The following LRRTM2 variants were observed in gnomAD, a reference collection of about 807,000 sequenced individuals.
The protein encoded by LRRTM2 is leucine rich repeat transmembrane neuronal 2, also known as leucine-rich repeat transmembrane neuronal protein 2.
LRRTM2 carries 14 observed loss-of-function variants against 40.7 expected under a neutral mutation model. That is an observed-to-expected ratio of 0.34 (90% CI 0.23 to 0.54). LRRTM2 has a LOEUF of 0.54. Ranked by LOEUF, LRRTM2 falls within the 20% of genes least tolerant of loss-of-function variation. The probability of loss-of-function intolerance (pLI) is 0.92; values close to 1 mark genes in which losing one functional copy is unlikely to be tolerated. For synonymous variants in LRRTM2, 223 were observed against 237.6 expected (o/e 0.94, Z 0.57); for missense variants, 468 against 624.4 (o/e 0.75, Z 2.67).
chr5:138,873,385 C>G lies in LRRTM2; in HGVS notation c.1176G>C (p.Val392=). 1 of 1,614,036 alleles carries G rather than the reference C, an allele frequency of 6.2e-7. No individual in the cohort carries two copies. The highest frequency in any genetic ancestry group is 8.5e-7 in the Non-Finnish European group (1 of 1,179,896). ...TKRISSSSYH[V]GDKEIPTTAG... is the part of the protein sequence containing the mutation. ...CAGTAGTTGGGATTTCTTTGTCTCC[C>G]ACATGGTAACTTGATGAGCTTATTC... is the stretch of plus-strand genomic sequence containing the variant. Residue 392 remains valine (V), a synonymous_variant, in exon 2 of 2, where the codon GTG becomes GTC. Coordinates refer to ENST00000274711, the MANE Select transcript of LRRTM2 (RefSeq NM_015564.3). This position sits in a 1 kb window ranked among gnomAD's most constrained non-coding sequence, Gnocchi z 6.1.
chr5:138,872,987 T>G lies in LRRTM2; in HGVS notation c.*23A>C. The G allele has an allele frequency of 6.6e-7, 1 of 1,523,080 alleles. No individual in the cohort carries two copies. The highest frequency in any genetic ancestry group is 8.9e-7 in the Non-Finnish European group (1 of 1,118,050). The allele number at this position is 1,523,080 out of a possible 1,614,324, so 94.3% of individuals were successfully genotyped here. ...TGTAAAATAGGTTACTTATCTGATG[T>G]GATTTTTGATGATGGGTAGATATTA... On this transcript the variant is annotated 3_prime_UTR_variant, in exon 2 of 2. Coordinates refer to ENST00000274711, the MANE Select transcript of LRRTM2 (RefSeq NM_015564.3).
chr5:138,874,883 A>G lies in LRRTM2; in HGVS notation c.4+25T>C, dbSNP rs146731798. ...AAGCGTGATTCCTTGTTGAATGTAC[A>G]AGACATATAAATGCACAGACTTACC... On this transcript the variant is annotated intron_variant, in intron 1 of 1. Transcript: ENST00000274711. This position sits in a 1 kb window ranked among gnomAD's most constrained non-coding sequence, Gnocchi z 4.1. The G allele has an allele frequency of 1.0e-3, 1,656 of 1,606,384 alleles. 14 individuals are homozygous for G. The African/African-American group carries it at 0.015, about 14-fold the overall frequency.
rs537754065 is a variant in LRRTM2, at chr5:138,870,371, C to G, written c.*2639G>C. 2 of 152,162 alleles carry G rather than the reference C, an allele frequency of 1.3e-5. No homozygotes were observed. Among genetic ancestry groups the G allele is most frequent in the Admixed American group, 1.3e-4 (2 of 15,278 alleles). 9.4% of individuals were successfully genotyped at this position (152,162 alleles called of 1,614,324 possible). A position where few individuals can be genotyped will look rare whatever the true frequency, so the allele number is the denominator to read the frequency against. On this transcript the variant is annotated 3_prime_UTR_variant, in exon 2 of 2. Transcript: ENST00000274711. The stretch of plus-strand genomic sequence containing the variant: ...GCTTTTAAATGAGAAAGGAAAATAC[C>G]TTTTTGGTACTACTGTCATTCACTT...
Position 138,874,983 on chromosome 5 carries a change from C to G in LRRTM2, c.-72G>C. On this transcript the variant is annotated 5_prime_UTR_variant, in exon 1 of 2. Transcript: ENST00000274711. This position sits in a 1 kb window ranked among gnomAD's most constrained non-coding sequence, Gnocchi z 4.1. Reference sequence around the variant, plus strand: ...CAACGCAGTGAGTCTGTAAAAGGCTCTAACATGTAGGAGCCTTTGACCAGT... The same window carrying G: ...CAACGCAGTGAGTCTGTAAAAGGCTGTAACATGTAGGAGCCTTTGACCAGT... 1 of 1,545,576 alleles carries G rather than the reference C, an allele frequency of 6.5e-7. No homozygotes were observed. Among genetic ancestry groups the G allele is most frequent in the Non-Finnish European group, 8.9e-7 (1 of 1,123,080 alleles).
At position 138,873,603 on chromosome 5, in the gene LRRTM2, A is replaced by G. The variant is rs1750914532; in HGVS notation, c.958T>C (p.Cys320Arg). ...CTGCCCAGCCAGGAGGCCAGAGCAC[A>G]TATTCGGGCGCTGCATTCCCACAGA... ...GNLWECSARI[C>R]ALASWLGSFQ... The change falls in exon 2 of 2, where the codon TGT (cysteine) becomes CGT (arginine). Residue 320 changes from cysteine (C) to arginine (R), a missense_variant. Transcript: ENST00000274711. This position sits in a 1 kb window ranked among gnomAD's most constrained non-coding sequence, Gnocchi z 6.1. The G allele has an allele frequency of 6.2e-7, 1 of 1,614,024 alleles. No individual in the cohort carries two copies. The highest frequency in any genetic ancestry group is 8.5e-7 in the Non-Finnish European group (1 of 1,179,894).
rs1239423079 is a variant in LRRTM2, at chr5:138,874,204, G to A, written c.357C>T (p.Asn119=). 1 of 1,613,896 alleles carries A rather than the reference G, an allele frequency of 6.2e-7. No individual in the cohort carries two copies. Residue 119 remains asparagine, a synonymous_variant, in exon 2 of 2, where the codon AAC becomes AAT. Transcript: ENST00000274711. This position sits in a 1 kb window ranked among gnomAD's most constrained non-coding sequence, Gnocchi z 4.1. The part of the protein sequence containing the change: ...YKLKELILSS[N]KIFYLPNTTF... ...TTGTGTTTGGCAAGTAAAATATTTT[G>A]TTGGAACTTAAGATTAATTCCTTAA...
rs1751001820 is a variant in LRRTM2, at chr5:138,874,099, A to G, written c.462T>C (p.Tyr154=). 6.2e-7 allele frequency: 1 copy of G among 1,613,854 alleles called. No individual in the cohort carries two copies. The highest frequency in any genetic ancestry group is 8.5e-7 in the Non-Finnish European group (1 of 1,179,766). The change falls in exon 2 of 2, where the codon TAT becomes TAC. Residue 154 remains tyrosine (Y), a synonymous_variant. Coordinates refer to ENST00000274711, the MANE Select transcript of LRRTM2 (RefSeq NM_015564.3). This position sits in a 1 kb window ranked among gnomAD's most constrained non-coding sequence, Gnocchi z 4.1. ...QLSSLHPELF[Y]GLRKLQTLHL... ...GCAAGGTCTGCAGCTTCCGAAGGCC[A>G]TAGAAGAGCTCTGGGTGCAGAGATG... is the stretch of plus-strand genomic sequence containing the variant.
chr5:138,872,920 G>T lies in LRRTM2; in HGVS notation c.*90C>A. The T allele has an allele frequency of 2.2e-6, 2 of 920,650 alleles. No individual in the cohort carries two copies. The highest frequency in any genetic ancestry group is 3.2e-6 in the Non-Finnish European group (2 of 630,562). The allele number at this position is 920,650 out of a possible 1,614,324, so 57.0% of individuals were successfully genotyped here. A position where few individuals can be genotyped will look rare whatever the true frequency, so the allele number is the denominator to read the frequency against. On this transcript the variant is annotated 3_prime_UTR_variant, in exon 2 of 2. Coordinates refer to ENST00000274711, the MANE Select transcript of LRRTM2 (RefSeq NM_015564.3). ...CTTAGTTTGGAAAATTAGGCTTAAT[G>T]TCACCATTGGTAAAAATTAGATATG...
In LRRTM2 at chr5:138,869,322, G is replaced by A. The variant is rs1765115222; in HGVS notation, c.*3688C>T. 6.6e-6 allele frequency: 1 copy of A among 151,384 alleles called. No individual in the cohort carries two copies. Among genetic ancestry groups the A allele is most frequent in the Admixed American group, 6.6e-5 (1 of 15,192 alleles). The allele number at this position is 151,384 out of a possible 1,614,324, so 9.4% of individuals were successfully genotyped here. A position where few individuals can be genotyped will look rare whatever the true frequency, so the allele number is the denominator to read the frequency against. On this transcript the variant is annotated 3_prime_UTR_variant, in exon 2 of 2. Coordinates refer to ENST00000274711, the MANE Select transcript of LRRTM2 (RefSeq NM_015564.3). ...TTCAAGTACTATGAGTTTGCCCCAGGTTAGATAGAGAAATATTTAATTATC... is the reference window on the plus strand; with the variant it reads ...TTCAAGTACTATGAGTTTGCCCCAGATTAGATAGAGAAATATTTAATTATC...
rs1009451748 is a variant in LRRTM2, at chr5:138,870,614, C to T, written c.*2396G>A. On this transcript the variant is annotated 3_prime_UTR_variant, in exon 2 of 2. Transcript: ENST00000274711. ...CAGCCAAAGAAGGGGATTTCTTACC[C>T]ATCCCACAGTTTAAATCTTAATTTT... is the stretch of plus-strand genomic sequence containing the variant. 1 of 152,130 alleles carries T rather than the reference C, an allele frequency of 6.6e-6. No individual in the cohort carries two copies. The highest frequency in any genetic ancestry group is 2.4e-5 in the African/African-American group (1 of 41,418). The allele number at this position is 152,130 out of a possible 1,614,324, so 9.4% of individuals were successfully genotyped here. A position where few individuals can be genotyped will look rare whatever the true frequency, so the allele number is the denominator to read the frequency against.
rs376506126 is a variant in LRRTM2, at chr5:138,872,961, A to G, written c.*49T>C. Reference sequence around the variant, plus strand: ...ATTAGATATGTATTTAGCCTCTACTATGTAAAATAGGTTACTTATCTGATG... The same window carrying G: ...ATTAGATATGTATTTAGCCTCTACTGTGTAAAATAGGTTACTTATCTGATG... On this transcript the variant is annotated 3_prime_UTR_variant, in exon 2 of 2. Transcript: ENST00000274711. 111 of 1,364,868 alleles carry G rather than the reference A, an allele frequency of 8.1e-5. 1 individual carries two copies. In the Middle Eastern group the frequency reaches 3.9e-3, roughly 48 times the overall value. The allele number at this position is 1,364,868 out of a possible 1,614,324, so 84.5% of individuals were successfully genotyped here.
In LRRTM2 at chr5:138,874,220, A is replaced by G; in HGVS notation, c.341T>C (p.Leu114Ser). 6.2e-7 allele frequency: 1 copy of G among 1,613,910 alleles called. No individual in the cohort carries two copies. The change falls in exon 2 of 2, where the codon TTA (leucine) becomes TCA (serine). Residue 114 changes from leucine to serine, a missense_variant. Physicochemically the swap from Leu to Ser is moderately radical, Grantham distance 145. Coordinates refer to ENST00000274711, the MANE Select transcript of LRRTM2 (RefSeq NM_015564.3). The surrounding 1 kb of genome is among the most constrained non-coding windows in gnomAD (Gnocchi z 4.1). ...AFQGLYKLKELILSSNKIFYL... is the reference protein window; with the variant it reads ...AFQGLYKLKESILSSNKIFYL... ...AAATATTTTGTTGGAACTTAAGATT[A>G]ATTCCTTAAGTTTATATAGTCCTTG...
chr5:138,873,732 G>T lies in LRRTM2; in HGVS notation c.829C>A (p.Pro277Thr). 1 of 1,613,998 alleles carries T rather than the reference G, an allele frequency of 6.2e-7. No individual in the cohort carries two copies. Among genetic ancestry groups the T allele is most frequent in the Non-Finnish European group, 8.5e-7 (1 of 1,179,900 alleles). The change falls in exon 2 of 2, where the codon CCC becomes ACC. Residue 277 changes from proline to threonine, a missense_variant. Physicochemically the swap from Pro to Thr is conservative, Grantham distance 38 (BLOSUM62 -1). Coordinates refer to ENST00000274711, the MANE Select transcript of LRRTM2 (RefSeq NM_015564.3). This position sits in a 1 kb window ranked among gnomAD's most constrained non-coding sequence, Gnocchi z 6.1. ...AIDLTVFETM[P>T]NLKILLMDNN... ...TCCATGAGGAGTATTTTAAGATTGG[G>T]CATCGTTTCAAACACTGTCAAGTCG...
rs1021741422 is a variant in LRRTM2, at chr5:138,871,780, G to A, written c.*1230C>T. The A allele has an allele frequency of 6.6e-6, 1 of 152,160 alleles. No individual in the cohort carries two copies. Among genetic ancestry groups the A allele is most frequent in the Admixed American group, 6.5e-5 (1 of 15,268 alleles). 9.4% of individuals were successfully genotyped at this position (152,160 alleles called of 1,614,324 possible). A position where few individuals can be genotyped will look rare whatever the true frequency, so the allele number is the denominator to read the frequency against. ...TGGTGCTGTTTTCTTCACCTACACT[G>A]AACTACACTTACAGCGTGAATGCGT... On this transcript the variant is annotated 3_prime_UTR_variant, in exon 2 of 2. Transcript: ENST00000274711.
rs759214345 is a variant in LRRTM2 at position 138,873,548 on chromosome 5, A to G, written c.1013T>C (p.Leu338Pro). The change falls in exon 2 of 2, where the codon CTA becomes CCA. Residue 338 changes from leucine (L) to proline (P), a missense_variant. Physicochemically the swap from Leu to Pro is moderately conservative, Grantham distance 98. Coordinates refer to ENST00000274711, the MANE Select transcript of LRRTM2 (RefSeq NM_015564.3). This position sits in a 1 kb window ranked among gnomAD's most constrained non-coding sequence, Gnocchi z 6.1. ...SFQGRWEHSI[L>P]CHSPDHTQGE... ...TTGGGTGTGGTCAGGACTGTGGCATAGGATGGAGTGTTCCCACCGACCTTG... is the reference window on the plus strand; with the variant it reads ...TTGGGTGTGGTCAGGACTGTGGCATGGGATGGAGTGTTCCCACCGACCTTG... 6.2e-7 allele frequency: 1 copy of G among 1,613,984 alleles called. No individual in the cohort carries two copies. Among genetic ancestry groups the G allele is most frequent in the South Asian group, 1.1e-5 (1 of 91,076 alleles).
rs1303338187 is a variant in LRRTM2 at position 138,874,377 on chromosome 5, C to T, written c.184G>A (p.Gly62Ser). 6.2e-7 allele frequency: 1 copy of T among 1,613,966 alleles called. No homozygotes were observed. Among genetic ancestry groups the T allele is most frequent in the Non-Finnish European group, 8.5e-7 (1 of 1,179,892 alleles). ...FHSVPNATDKGSLGLSLRHNH... is the reference protein window; with the variant it reads ...FHSVPNATDKSSLGLSLRHNH... ...TGCCTCAGGGACAGGCCCAGAGAGC[C>T]CTTGTCTGTGGCGTTTGGCACTGAG... The change falls in exon 2 of 2, where the codon GGC becomes AGC. Residue 62 changes from glycine (G) to serine (S), a missense_variant. Transcript: ENST00000274711. This position sits in a 1 kb window ranked among gnomAD's most constrained non-coding sequence, Gnocchi z 4.1.
chr5:138,871,584 G>C lies in LRRTM2; in HGVS notation c.*1426C>G, dbSNP rs943412264. On this transcript the variant is annotated 3_prime_UTR_variant, in exon 2 of 2. Coordinates refer to ENST00000274711, the MANE Select transcript of LRRTM2 (RefSeq NM_015564.3). ...TCAGCAGCAGGTCCTTTCCCTGTTT[G>C]GTGCAGATTGTGTATAATCATTGTT... 9.9e-5 allele frequency: 15 copies of C among 152,170 alleles called. No individual in the cohort carries two copies. The highest frequency in any genetic ancestry group is 3.6e-4 in the African/African-American group (15 of 41,440). The allele number at this position is 152,170 out of a possible 1,614,324, so 9.4% of individuals were successfully genotyped here.
chr5:138,870,568 A>G lies in LRRTM2; in HGVS notation c.*2442T>C, dbSNP rs1454232603. 6.6e-6 allele frequency: 1 copy of G among 152,192 alleles called. No individual in the cohort carries two copies. The highest frequency in any genetic ancestry group is 2.4e-5 in the African/African-American group (1 of 41,452). The allele number at this position is 152,192 out of a possible 1,614,324, so 9.4% of individuals were successfully genotyped here. A position where few individuals can be genotyped will look rare whatever the true frequency, so the allele number is the denominator to read the frequency against. On this transcript the variant is annotated 3_prime_UTR_variant, in exon 2 of 2. Coordinates refer to ENST00000274711, the MANE Select transcript of LRRTM2 (RefSeq NM_015564.3). Reference sequence around the variant, plus strand: ...AGGATTTTGCCAGTTATGGTCCTTTAAGGATTAAGGTGGAGATTCCCAGCC... The same window carrying G: ...AGGATTTTGCCAGTTATGGTCCTTTGAGGATTAAGGTGGAGATTCCCAGCC...
Position 138,875,099 on chromosome 5 carries a change from T to C in LRRTM2, c.-188A>G. The C allele has an allele frequency of 1.8e-6, 1 of 555,116 alleles. No individual in the cohort carries two copies. Among genetic ancestry groups the C allele is most frequent in the South Asian group, 2.6e-5 (1 of 37,914 alleles). 34.4% of individuals were successfully genotyped at this position (555,116 alleles called of 1,614,324 possible). A position where few individuals can be genotyped will look rare whatever the true frequency, so the allele number is the denominator to read the frequency against. On this transcript the variant is annotated 5_prime_UTR_variant, in exon 1 of 2. Transcript: ENST00000274711. ...CTTAGGATATCCCTCTGGAAAGCAT[T>C]GGTTTCATTTTCTGTGATTGCTCTG... is the stretch of plus-strand genomic sequence containing the variant.
Sources: gnomAD v4.1 joint callset for allele counts on GRCh38, gnomAD v4.1.1 for gene constraint, Gnocchi (gnomAD v3.1) non-coding constraint, MANE v1.5 for transcripts, NCBI Gene and HGNC (gene_info 2026-07-23, HGNC 2026-07-21) for gene names.